The following SCHIP1 variants were observed in gnomAD, a reference collection of about 807,000 sequenced individuals.
SCHIP1 encodes schwannomin-interacting protein 1.
SCHIP1 carries 8 observed loss-of-function variants against 29.7 expected under a neutral mutation model. That is an observed-to-expected ratio of 0.27 (90% confidence interval 0.16 to 0.49). SCHIP1 has a LOEUF of 0.49. Among genes scored for constraint, SCHIP1 ranks in the 20% least tolerant of loss-of-function variants. The pLI is 0.99. For missense variants in SCHIP1, 193 were observed against 294.6 expected (o/e 0.66, Z 2.52); for synonymous variants, 76 against 94.9 (o/e 0.80, Z 1.16).
the SCHIP1 span, among the ~76,000 whole-genome samples, chr3:159,679,642 A>G: frequency 6.6e-6 from 1 of 152,148 alleles, no homozygotes. Context: ...CTGTGTCATA[A>G]TACAAAAAGG....
chr3:159,525,794 G>A, the SCHIP1 span, among the ~76,000 whole-genome samples: 138 of 152,338 alleles, frequency 9.1e-4, no homozygotes, highest in Admixed American at 3.3e-3. Context: ...CCGAGGGGGA[G>A]GCAGAACAAT....
the SCHIP1 span, among the ~76,000 whole-genome samples, chr3:159,361,558 G>T: frequency 6.6e-6 from 1 of 152,200 alleles, no homozygotes; most frequent in Admixed American, 6.5e-5. Context: ...AACCACTGCA[G>T]GGTTTTGAGA....
At chr3:159,343,668 C>T in the SCHIP1 span, among the ~76,000 whole-genome samples, 3 of 152,156 alleles carry the variant, frequency 2.0e-5, no homozygotes, top group Admixed American at 2.0e-4. Context: ...GTCACTGGAG[C>T]AGGGAAGTAT....
the SCHIP1 span, among the ~76,000 whole-genome samples, chr3:159,463,750 A>ATATG: frequency 4.0e-5 from 6 of 151,652 alleles, no homozygotes; most frequent in Admixed American, 2.0e-4. Flanking sequence ...AGATATATAT[A>ATATG]TATATATAAG....
chr3:159,414,645 G>C, the SCHIP1 span, among the ~76,000 whole-genome samples: 4 of 152,096 alleles, frequency 2.6e-5, no homozygotes, highest in Non-Finnish European at 5.9e-5. Context: ...AGTACGTATA[G>C]ATGCTCAAAT....
intron 2 of SCHIP1, among the ~76,000 whole-genome samples, chr3:159,884,988 T>G (rs559720714): frequency 1.3e-5 from 2 of 152,326 alleles, no homozygotes; most frequent in African/African-American, 4.8e-5. Context: ...AATTTAACAA[T>G]AGGTGGCAGT....
chr3:159,335,355 T>A, the SCHIP1 span, among the ~76,000 whole-genome samples: 1 of 152,090 alleles, frequency 6.6e-6, no homozygotes, highest in Non-Finnish European at 1.5e-5. Context: ...GTCTTTTTTT[T>A]ATATACTTTA....
the SCHIP1 span, among the ~76,000 whole-genome samples, chr3:159,621,066 A>G: frequency 6.6e-6 from 1 of 152,186 alleles, no homozygotes; most frequent in Non-Finnish European, 1.5e-5. Context: ...TGAGTCATCT[A>G]TTACTCACTA....
the SCHIP1 span, among the ~76,000 whole-genome samples, chr3:159,725,691 T>A: frequency 6.6e-6 from 1 of 152,372 alleles, no homozygotes; most frequent in South Asian, 2.1e-4. Context: ...AGCACAGTAC[T>A]GTCTCTGCCA....
chr3:159,280,891 A>C, the SCHIP1 span, among the ~76,000 whole-genome samples: 1 of 152,180 alleles, frequency 6.6e-6, no homozygotes, highest in African/African-American at 2.4e-5. Flanking sequence ...CACACTCTAA[A>C]TTGCTGTGCA....
the SCHIP1 span, among the ~76,000 whole-genome samples, chr3:159,717,867 C>A: frequency 6.6e-6 from 1 of 152,178 alleles, no homozygotes; most frequent in Non-Finnish European, 1.5e-5. Flanking sequence ...GGAGTCCTCC[C>A]TAACTCATTT....
the SCHIP1 span, among the ~76,000 whole-genome samples, chr3:159,277,009 A>G: frequency 6.6e-6 from 1 of 152,170 alleles, no homozygotes; most frequent in African/African-American, 2.4e-5. Context: ...ACTACATCAC[A>G]CAGTGCCTGA....
the SCHIP1 span, among the ~76,000 whole-genome samples, chr3:159,680,639 T>TGTA: frequency 1.4e-4 from 6 of 42,638 alleles, no homozygotes; most frequent in African/African-American, 5.5e-4. Context: ...ATTTTATATA[T>TGTA]TATATAATAT....
chr3:159,649,068 G>A, the SCHIP1 span, among the ~76,000 whole-genome samples: 1 of 152,150 alleles, frequency 6.6e-6, no homozygotes, highest in Admixed American at 6.5e-5. Context: ...GGATTTCAGG[G>A]AGAGAAGCTA....
At chr3:159,584,288 C>G in the SCHIP1 span, among the ~76,000 whole-genome samples, 1 of 152,158 alleles carries the variant, frequency 6.6e-6, no homozygotes, top group Non-Finnish European at 1.5e-5. Context: ...CTTTAATCTT[C>G]CCGTCTTGAG....
chr3:159,354,135 C>T, the SCHIP1 span, among the ~76,000 whole-genome samples: 1 of 152,148 alleles, frequency 6.6e-6, no homozygotes, highest in African/African-American at 2.4e-5. Flanking sequence ...AATTGTTACT[C>T]ACTGACTTAT....
At chr3:159,382,663 A>G in the SCHIP1 span, among the ~76,000 whole-genome samples, 1 of 151,002 alleles carries the variant, frequency 6.6e-6, no homozygotes, top group Admixed American at 6.6e-5. Flanking sequence ...CTAGTTCTAG[A>G]TCCCTGAGGA....
the SCHIP1 span, among the ~76,000 whole-genome samples, chr3:159,803,293 G>A: frequency 6.6e-6 from 1 of 152,106 alleles, no homozygotes; most frequent in African/African-American, 2.4e-5. Flanking sequence ...CAATGAAAAC[G>A]AGTTAACCAT....
the SCHIP1 span, among the ~76,000 whole-genome samples, chr3:159,345,628 G>A: frequency 4.7e-4 from 71 of 150,936 alleles, 1 homozygote; most frequent in Admixed American, 2.9e-3. Context: ...AGGTACCACC[G>A]ATCCTCACTG....
Sources: gnomAD v4.1 joint callset for allele counts (sites outside exome capture counted in the v4.1 genomes callset) on GRCh38, gnomAD v4.1.1 for gene constraint, MANE v1.5 for transcripts, NCBI Gene and HGNC (gene_info 2026-07-23, HGNC 2026-07-21) for gene names.